The following CACNA1H variants were observed in gnomAD, a reference collection of about 807,000 sequenced individuals.
CACNA1H encodes voltage-dependent T-type calcium channel subunit alpha-1H.
CACNA1H carries 149 observed loss-of-function variants against 192.5 expected under a neutral mutation model. The observed-to-expected ratio is 0.77, with a 90% CI of 0.68 to 0.89. CACNA1H has a LOEUF of 0.89. CACNA1H is among the 40% of genes least tolerant of loss of function. CACNA1H has a pLI of 0.00. For synonymous variants in CACNA1H, 2,202 were observed against 1,475.2 expected (o/e 1.49, Z -11.29); for missense variants, 4,257 against 3,423.5 (o/e 1.24, Z -6.08).
Position 1,217,955 on chromosome 16 carries a change from G to T in CACNA1H, c.5360G>T (p.Arg1787Met). ...SEDNPCEGLSRHATFSNFGMA... is the reference protein window; with the variant it reads ...SEDNPCEGLSMHATFSNFGMA... ...GACAACCCCTGCGAGGGCCTGAGCA[G>T]GCACGCCACCTTCAGCAACTTCGGC... Residue 1787 changes from arginine (R) to methionine (M), a missense_variant, in exon 32 of 35, where the codon AGG becomes ATG. Transcript: ENST00000348261. 2 of 1,605,862 alleles carry T rather than the reference G, an allele frequency of 1.2e-6. No individual in the cohort carries two copies. Among genetic ancestry groups the T allele is most frequent in the Non-Finnish European group, 1.7e-6 (2 of 1,176,954 alleles).
At chr16:1,215,494 C>T (rs746671561) in intron 29 of CACNA1H, 29 bp from the exon 30 acceptor site, 1 of 1,606,742 alleles carries the variant, frequency 6.2e-7, no homozygotes, top group Non-Finnish European at 8.5e-7. Context: ...GTCCGCCCAG[C>T]CCTGCTGACG....
In CACNA1H at chr16:1,200,769, C is replaced by T. The variant is rs1240324691; in HGVS notation, c.1173C>T (p.His391=). The change falls in exon 8 of 35, where the codon CAC becomes CAT. Residue 391 remains histidine, a synonymous_variant. Coordinates refer to ENST00000348261, the MANE Select transcript of CACNA1H (RefSeq NM_021098.3). ...VDIMYYVMDA[H]SFYNFIYFIL... Reference sequence around the variant, plus strand: ...TCATGTACTACGTCATGGACGCCCACTCATTCTACAACTTCATCTATTTCA... The same window carrying T: ...TCATGTACTACGTCATGGACGCCCATTCATTCTACAACTTCATCTATTTCA... The T allele has an allele frequency of 3.2e-6, 5 of 1,555,064 alleles. No homozygotes were observed. The South Asian group carries it at 3.6e-5, about 11-fold the overall frequency.
chr16:1,159,434 G>C (rs74004816), intron 2 of CACNA1H: 3 of 152,518 alleles, frequency 2.0e-5, no homozygotes, highest in African/African-American at 7.3e-5. Context: ...ATGAGAGGGA[G>C]GGTGAGGGGC....
At position 1,207,045 on chromosome 16, in the gene CACNA1H, C is replaced by T; in HGVS notation, c.2834C>T (p.Thr945Ile). Residue 945 changes from threonine (T) to isoleucine (I), a missense_variant, in exon 13 of 35, where the codon ACA becomes ATA. Transcript: ENST00000348261. ...TTCGGCTGCAAGTTCAGCCTGAAGA[C>T]AGACACCGGAGACACCGTGCCTGAC... ...HLFGCKFSLK[T>I]DTGDTVPDRK... 1 of 1,602,194 alleles carries T rather than the reference C, an allele frequency of 6.2e-7. No homozygotes were observed. The highest frequency in any genetic ancestry group is 8.5e-7 in the Non-Finnish European group (1 of 1,174,508).
chr16:1,156,158 C>T (rs570451563), intron 2 of CACNA1H, among the ~76,000 whole-genome samples: 8 of 152,310 alleles, frequency 5.3e-5, no homozygotes, highest in Middle Eastern at 3.4e-3. Context: ...CCACCCTCCT[C>T]GCCGCCAGCA....
chr16:1,220,793 T>C lies in CACNA1H; in HGVS notation c.6861T>C (p.Ser2287=), dbSNP rs1423673425. 3.7e-6 allele frequency: 6 copies of C among 1,612,686 alleles called. No individual in the cohort carries two copies. Among genetic ancestry groups the C allele is most frequent in the South Asian group, 1.1e-5 (1 of 91,074 alleles). Residue 2287 remains serine (S), a synonymous_variant, in exon 35 of 35, where the codon AGT becomes AGC. Coordinates refer to ENST00000348261, the MANE Select transcript of CACNA1H (RefSeq NM_021098.3). The stretch of plus-strand genomic sequence containing the variant: ...ACCCTTTCTTGGACGGTAGCCACAG[T>C]GTGACCCCAGAATCCAGAGCTTCCT... ...SGDPFLDGSH[S]VTPESRASSS...
intron 2 of CACNA1H, among the ~76,000 whole-genome samples, chr16:1,161,991 G>A (rs1162281973): frequency 3.3e-5 from 5 of 152,186 alleles, no homozygotes; most frequent in Non-Finnish European, 5.9e-5. Context: ...AGTCTGAAGT[G>A]GACTGGCAGA....
chr16:1,202,850 C>G (rs1043946327), intron 9 of CACNA1H, among the ~76,000 whole-genome samples: 5 of 152,108 alleles, frequency 3.3e-5, no homozygotes, highest in African/African-American at 1.2e-4. Flanking sequence ...AGGCTGGCCC[C>G]CCTTCTAGGT....
chr16:1,165,924 C>T (rs769981847), intron 2 of CACNA1H, among the ~76,000 whole-genome samples: 5 of 152,120 alleles, frequency 3.3e-5, no homozygotes, highest in Admixed American at 2.6e-4. Context: ...CCGGCCCGGC[C>T]GTGTGGGGCA....
At chr16:1,209,986 G>C in intron 17 of CACNA1H, 49 bp from the exon 18 acceptor site, 1 of 1,410,794 alleles carries the variant, frequency 7.1e-7, no homozygotes, top group African/African-American at 1.4e-5. Flanking sequence ...CTGATGGGGG[G>C]CCGGGCAGGC....
chr16:1,175,512 G>A (rs547438495), intron 2 of CACNA1H, among the ~76,000 whole-genome samples: 1 of 152,070 alleles, frequency 6.6e-6, no homozygotes, highest in African/African-American at 2.4e-5. Context: ...CCACCCTGTA[G>A]CCTCCAGCTC....
chr16:1,155,695 C>T (rs989898233), intron 2 of CACNA1H, among the ~76,000 whole-genome samples: 1 of 152,180 alleles, frequency 6.6e-6, no homozygotes, highest in Non-Finnish European at 1.5e-5. Context: ...CTGTCCTGTC[C>T]CCTCTCGGCT....
rs758872935 is a variant in CACNA1H, at chr16:1,211,734, G to A, written c.4495G>A (p.Val1499Met). 3.7e-6 allele frequency: 6 copies of A among 1,612,612 alleles called. No homozygotes were observed. The highest frequency in any genetic ancestry group is 3.4e-6 in the Non-Finnish European group (4 of 1,179,712). Residue 1499 changes from valine to methionine, a missense_variant, in exon 24 of 35, where the codon GTG (valine) becomes ATG (methionine). Val to Met is a conservative substitution (Grantham distance 21). Coordinates refer to ENST00000348261, the MANE Select transcript of CACNA1H (RefSeq NM_021098.3). The stretch of plus-strand genomic sequence containing the variant: ...CCCTCAGGCCCTGATGTCGCTGTTC[G>A]TGCTGTCATCCAAGGATGGATGGGT... ...NLGQALMSLF[V>M]LSSKDGWVNI... is the part of the protein sequence containing the mutation.
intron 25 of CACNA1H, 66 bp downstream of exon 25, chr16:1,212,204 C>T: frequency 1.3e-6 from 2 of 1,515,820 alleles, no homozygotes; most frequent in African/African-American, 1.4e-5. Flanking sequence ...GGCCCTCCAG[C>T]CCCTCCACTC....
Position 1,218,312 on chromosome 16 carries a change from G to T in CACNA1H, c.5548G>T (p.Val1850Leu), listed in dbSNP as rs986566182. Residue 1850 changes from valine to leucine, a missense_variant, in exon 33 of 35, where the codon GTG (valine) becomes TTG (leucine). Coordinates refer to ENST00000348261, the MANE Select transcript of CACNA1H (RefSeq NM_021098.3). The stretch of plus-strand genomic sequence containing the variant: ...GACCTTCGTGCTGGTGGCCCAGTTC[G>T]TGCTGGTGAACGTGGTGGTGGCCGT... ...FVTFVLVAQF[V>L]LVNVVVAVLM... is the part of the protein sequence containing the mutation. 2 of 1,556,490 alleles carry T rather than the reference G, an allele frequency of 1.3e-6. No homozygotes were observed. The highest frequency in any genetic ancestry group is 1.9e-5 in the Admixed American group (1 of 51,470).
In CACNA1H at chr16:1,220,217, C is replaced by T; in HGVS notation, c.6285C>T (p.Asp2095=). The T allele has an allele frequency of 6.3e-7, 1 of 1,574,884 alleles. No homozygotes were observed. Among genetic ancestry groups the T allele is most frequent in the Non-Finnish European group, 8.6e-7 (1 of 1,165,238 alleles). Reference sequence around the variant, plus strand: ...GCGGAGAGGAGGCCGAGGCCTCGGACCCAGCCGACGAGGAGGTCAGCCACA... The same window carrying T: ...GCGGAGAGGAGGCCGAGGCCTCGGATCCAGCCGACGAGGAGGTCAGCCACA... ...APGGEEAEAS[D]PADEEVSHIT... Residue 2095 remains aspartate (D), a synonymous_variant, in exon 35 of 35, where the codon GAC becomes GAT. Transcript: ENST00000348261.
At chr16:1,162,415 C>G (rs970993915) in intron 2 of CACNA1H, among the ~76,000 whole-genome samples, 1 of 152,194 alleles carries the variant, frequency 6.6e-6, no homozygotes, top group Non-Finnish European at 1.5e-5. Flanking sequence ...GCAGGAGGTG[C>G]TTGACGCAGT....
In CACNA1H at chr16:1,209,247, G is replaced by T. The variant is rs1169808873; in HGVS notation, c.3579G>T (p.Leu1193=). The T allele has an allele frequency of 5.2e-6, 8 of 1,544,000 alleles. No homozygotes were observed. The highest frequency in any genetic ancestry group is 7.0e-6 in the Non-Finnish European group (8 of 1,147,346). ...CGCCCGGGCCCCGTGCCACCCCACT[G>T]CGGCGGGCCGAGTCCCTGGACCCAC... ...RAAPGPRATP[L]RRAESLDPRP... is the part of the protein sequence containing the mutation. The change falls in exon 17 of 35, where the codon CTG becomes CTT. Residue 1193 remains leucine (L), a synonymous_variant. Transcript: ENST00000348261.
intron 2 of CACNA1H, among the ~76,000 whole-genome samples, chr16:1,178,051 A>G (rs867586403): frequency 1.6e-4 from 1 of 6,108 alleles, no homozygotes; most frequent in African/African-American, 8.5e-4. Flanking sequence ...TCCCTCCCCC[A>G]CCCCGGAACC....
Sources: gnomAD v4.1 joint callset for allele counts (sites outside exome capture counted in the v4.1 genomes callset) on GRCh38, gnomAD v4.1.1 for gene constraint, MANE v1.5 for transcripts, NCBI Gene and HGNC (gene_info 2026-07-23, HGNC 2026-07-21) for gene names.